The following ANXA4 variants were observed in gnomAD, a reference collection of about 807,000 sequenced individuals.
The protein encoded by ANXA4 is annexin A4.
ANXA4 carries 39 observed loss-of-function variants against 49.8 expected under a neutral mutation model. The ratio of observed to expected loss-of-function variants is 0.78; its 90% CI spans 0.61 to 1.02. The LOEUF is 1.02. ANXA4 is among the 50% of genes least tolerant of loss of function. The pLI is 0.00. For missense variants in ANXA4, 360 were observed against 410.1 expected (o/e 0.88, Z 1.05); for synonymous variants, 134 against 152.5 (o/e 0.88, Z 0.89).
chr2:69,785,551 T>TTGATGATGATGA (rs10689485), intron 2 of ANXA4, among the ~76,000 whole-genome samples: 27,400 of 150,776 alleles, frequency 0.18, 2,903 homozygotes, highest in Admixed American at 0.31. Context: ...GAAGTTCTCT[T>TTGATGATGATGA]TGATGATGAT....
chr2:69,698,304 C>T (rs907574469), intron 2 of ANXA4, among the ~76,000 whole-genome samples: 3 of 152,166 alleles, frequency 2.0e-5, no homozygotes, highest in Admixed American at 6.5e-5. Context: ...ATGAATTTTG[C>T]GGGACACAAA....
At chr2:69,728,140 T>C (rs1670009582) in intron 3 of ANXA4, among the ~76,000 whole-genome samples, 2 of 152,256 alleles carry the variant, frequency 1.3e-5, no homozygotes, top group South Asian at 4.1e-4. Flanking sequence ...GTATCTGTCT[T>C]GTGTCTCCAC....
At chr2:69,668,500 C>T (rs1677027616) in intron 2 of ANXA4, among the ~76,000 whole-genome samples, 4 of 152,096 alleles carry the variant, frequency 2.6e-5, no homozygotes, top group Non-Finnish European at 1.5e-5. Flanking sequence ...GAGACAATCA[C>T]TCTTGAGATA....
At chr2:69,758,172 C>G (rs1249138374) in intron 1 of ANXA4, among the ~76,000 whole-genome samples, 1 of 152,062 alleles carries the variant, frequency 6.6e-6, no homozygotes, top group East Asian at 1.9e-4. Flanking sequence ...ACCACCATGC[C>G]CAGGTAATTT....
chr2:69,758,514 C>A lies in ANXA4; in HGVS notation c.-47+16339C>A, dbSNP rs575708417. The stretch of plus-strand genomic sequence containing the variant: ...GCACATGCCTGTAGTCCCAGCTACT[C>A]AACAGGCTGAGATGGGAGGATTGTT... On this transcript the variant is annotated intron_variant, in intron 1 of 12. Transcript: ENST00000394295. 2.6e-5 allele frequency among the ~76,000 whole-genome samples: 4 copies of A among 152,210 alleles called. No homozygotes were observed. In the East Asian group the frequency reaches 7.7e-4, roughly 29 times the overall value.
At chr2:69,650,478 CCTT>C (rs964416184) in intron 1 of ANXA4, among the ~76,000 whole-genome samples, 2 of 151,810 alleles carry the variant, frequency 1.3e-5, no homozygotes, top group Non-Finnish European at 2.9e-5. Flanking sequence ...GTTTTTGTAT[CCTT>C]TTTTTTTTCT....
upstream of ANXA4, among the ~76,000 whole-genome samples, chr2:69,741,253 G>T (rs61113360): frequency 7.1e-3 from 1,079 of 152,298 alleles, 16 homozygotes; most frequent in African/African-American, 0.024. Flanking sequence ...AGACTCAACG[G>T]ATTCATTCTG....
At chr2:69,750,996 G>A (rs983423010) in intron 1 of ANXA4, among the ~76,000 whole-genome samples, 1 of 152,164 alleles carries the variant, frequency 6.6e-6, no homozygotes, top group African/African-American at 2.4e-5. Context: ...TGTTCACCAA[G>A]TGTCTTCTAT....
At chr2:69,815,336 G>C (rs954795673) in intron 8 of ANXA4, 1 of 152,204 alleles carries the variant, frequency 6.6e-6, no homozygotes, top group African/African-American at 2.4e-5. Context: ...TGACTCTAAA[G>C]CAGTGAGGGA....
intron 7 of ANXA4, 108 bp from the exon 8 acceptor site, chr2:69,812,545 A>C (rs2305523): frequency 0.5 from 442,878 of 882,458 alleles, 118,190 homozygotes; most frequent in African/African-American, 0.85. Flanking sequence ...TGAAGCTCCA[A>C]TTCTTGTGGT....
intron 2 of ANXA4, among the ~76,000 whole-genome samples, chr2:69,719,244 T>A (rs988201297): frequency 6.8e-6 from 1 of 147,894 alleles, no homozygotes; most frequent in African/African-American, 2.5e-5. Flanking sequence ...TTTCTAACCA[T>A]TGACTATTTT....
chr2:69,667,079 A>G (rs71413196), intron 2 of ANXA4, among the ~76,000 whole-genome samples: 6,209 of 151,374 alleles, frequency 0.041, 124 homozygotes, highest in Non-Finnish European at 0.047. Context: ...AAAATGAAAT[A>G]AAATAAAATA....
At chr2:69,681,463 C>G (rs984027564) in intron 2 of ANXA4, among the ~76,000 whole-genome samples, 1 of 150,822 alleles carries the variant, frequency 6.6e-6, no homozygotes, top group Admixed American at 6.6e-5. Flanking sequence ...CTCCTAGATT[C>G]AAGCAATTCT....
chr2:69,699,519 C>G (rs1433072985), intron 2 of ANXA4, among the ~76,000 whole-genome samples: 3 of 151,898 alleles, frequency 2.0e-5, no homozygotes, highest in Admixed American at 2.0e-4. Context: ...GGTGTGAACC[C>G]GTAGTCTCAG....
At chr2:69,735,478 C>T (rs935324280) in intron 3 of ANXA4, among the ~76,000 whole-genome samples, 2 of 152,176 alleles carry the variant, frequency 1.3e-5, no homozygotes, top group African/African-American at 4.8e-5. Context: ...TCTTGGTTTA[C>T]TGGCTCCCTG....
intron 1 of ANXA4, among the ~76,000 whole-genome samples, chr2:69,749,261 G>T (rs948241077): frequency 2.0e-5 from 3 of 152,146 alleles, no homozygotes; most frequent in Admixed American, 2.0e-4. Context: ...AGGGGTAATG[G>T]TTTCCTTTTT....
intron 2 of ANXA4, among the ~76,000 whole-genome samples, chr2:69,714,768 C>T (rs1193921310): frequency 6.6e-6 from 1 of 152,196 alleles, no homozygotes; most frequent in Non-Finnish European, 1.5e-5. Flanking sequence ...GTCAGCAGGA[C>T]GTTGGGCAGG....
At chr2:69,806,326 G>C (rs1286128975) in intron 4 of ANXA4, 59 bp from the exon 5 acceptor site, 4 of 1,270,210 alleles carry the variant, frequency 3.1e-6, no homozygotes, top group Non-Finnish European at 4.6e-6. Context: ...ACCACACCTG[G>C]AGAGTAGCTG....
chr2:69,652,813 AGT>A (rs990602601), intron 1 of ANXA4, among the ~76,000 whole-genome samples: 4 of 152,288 alleles, frequency 2.6e-5, no homozygotes, highest in African/African-American at 9.6e-5. Flanking sequence ...GAACCCAGAC[AGT>A]GCCACTGCAC....
Sources: gnomAD v4.1 joint callset for allele counts (sites outside exome capture counted in the v4.1 genomes callset) on GRCh38, gnomAD v4.1.1 for gene constraint, MANE v1.5 for transcripts, NCBI Gene and HGNC (gene_info 2026-07-23, HGNC 2026-07-21) for gene names.